Variants in CNTNAP4 observed in about 807,000 individuals in gnomAD.
The protein encoded by CNTNAP4 is contactin associated protein family member 4.
CNTNAP4 carries 98 observed loss-of-function variants against 148.4 expected under a neutral mutation model. That is an observed-to-expected ratio of 0.66 (90% CI 0.56 to 0.78). CNTNAP4 has a LOEUF of 0.78. Ranked by LOEUF, CNTNAP4 falls within the 30% of genes least tolerant of loss-of-function variation. CNTNAP4 has a pLI of 0.00. For synonymous variants in CNTNAP4, 730 were observed against 565.1 expected (o/e 1.29, Z -4.14); for missense variants, 1,935 against 1,565.6 (o/e 1.24, Z -3.98).
intron 3 of CNTNAP4, among the ~76,000 whole-genome samples, chr16:76,392,154 C>T (rs1256133807): frequency 6.6e-6 from 1 of 152,070 alleles, no homozygotes; most frequent in African/African-American, 2.4e-5. Flanking sequence ...CCACCACACC[C>T]AGCTAATTTT....
In CNTNAP4 at chr16:76,478,856, A is replaced by G. The variant is rs528760286; in HGVS notation, c.1763-563A>G. Among the ~76,000 whole-genome samples, 3 of 152,218 alleles carry G rather than the reference A, an allele frequency of 2.0e-5. No individual in the cohort carries two copies. The East Asian group carries it at 5.8e-4, about 29-fold the overall frequency. ...GGGAGTTTCTTTTGTAAATTACTTAAAATTATTGATGAGCTTTGTGAATCC... is the reference window on the plus strand; with the variant it reads ...GGGAGTTTCTTTTGTAAATTACTTAGAATTATTGATGAGCTTTGTGAATCC... On this transcript the variant is annotated intron_variant, in intron 11 of 23. Coordinates refer to ENST00000611870, the MANE Select transcript of CNTNAP4 (RefSeq NM_033401.5).
intron 16 of CNTNAP4, among the ~76,000 whole-genome samples, chr16:76,521,796 G>A (rs1221389599): frequency 1.6e-5 from 2 of 128,268 alleles, no homozygotes; most frequent in Admixed American, 8.8e-5. Flanking sequence ...GCTCTGAGGA[G>A]GACTATCTTA....
At chr16:76,491,719 G>C (rs2082229031) in intron 13 of CNTNAP4, among the ~76,000 whole-genome samples, 1 of 152,204 alleles carries the variant, frequency 6.6e-6, no homozygotes, top group African/African-American at 2.4e-5. Flanking sequence ...ATGTGGAAAA[G>C]AGAGATAAAA....
intron 2 of CNTNAP4, among the ~76,000 whole-genome samples, chr16:76,341,247 C>G (rs1057318037): frequency 2.0e-5 from 3 of 152,178 alleles, no homozygotes; most frequent in African/African-American, 7.2e-5. Context: ...GATCTTAAAC[C>G]TGTCCTTCCA....
At chr16:76,470,843 A>T (rs1241473442) in intron 10 of CNTNAP4, among the ~76,000 whole-genome samples, 1 of 152,042 alleles carries the variant, frequency 6.6e-6, no homozygotes, top group African/African-American at 2.4e-5. Context: ...ATTCACACAC[A>T]CTCTACACAC....
intron 2 of CNTNAP4, among the ~76,000 whole-genome samples, chr16:76,330,834 A>T (rs936303874): frequency 6.6e-6 from 1 of 152,256 alleles, no homozygotes; most frequent in African/African-American, 2.4e-5. Flanking sequence ...GAAAAATGTC[A>T]TAAATATAAG....
At position 76,355,321 on chromosome 16, in the gene CNTNAP4, C is replaced by A. The variant is rs1567826395; in HGVS notation, c.200C>A (p.Ala67Asp). Residue 67 changes from alanine to aspartate, a missense_variant, in exon 3 of 24, where the codon GCT (alanine) becomes GAT (aspartate). Transcript: ENST00000611870. ...GFARLNRRDG[A>D]GGWSPLVSNK... is the part of the protein sequence containing the mutation. Reference sequence around the variant, plus strand: ...CTGTTTCTATTTTTAATAAAAGGAGCTGGTGGCTGGTCTCCACTTGTGTCT... The same window carrying A: ...CTGTTTCTATTTTTAATAAAAGGAGATGGTGGCTGGTCTCCACTTGTGTCT... 6.5e-7 allele frequency: 1 copy of A among 1,527,130 alleles called. No individual in the cohort carries two copies. Among genetic ancestry groups the A allele is most frequent in the South Asian group, 1.3e-5 (1 of 79,298 alleles). 94.6% of individuals were successfully genotyped at this position (1,527,130 alleles called of 1,614,324 possible).
intron 3 of CNTNAP4, among the ~76,000 whole-genome samples, chr16:76,377,341 T>C (rs913479220): frequency 3.9e-5 from 6 of 152,206 alleles, no homozygotes; most frequent in African/African-American, 1.4e-4. Context: ...TGCATAACTT[T>C]AACCATCACA....
In CNTNAP4 at chr16:76,408,842, A is replaced by ATGTTC. The variant is rs200310490; in HGVS notation, c.391-18610_391-18609insTGTTC. On this transcript the variant is annotated intron_variant, in intron 3 of 23. Coordinates refer to ENST00000611870, the MANE Select transcript of CNTNAP4 (RefSeq NM_033401.5). ...ATTGATTTCAGAGTCCATTCTCTGA[A>ATGTTC]CATGTTCTCTGTGTAGTTTTACCTC... 5.3e-3 allele frequency among the ~76,000 whole-genome samples: 799 copies of ATGTTC among 152,110 alleles called. 23 individuals are homozygous for ATGTTC. Among genetic ancestry groups the ATGTTC allele is most frequent in the Admixed American group, 0.044 (667 of 15,240 alleles).
intron 4 of CNTNAP4, among the ~76,000 whole-genome samples, chr16:76,436,359 A>G (rs2079826170): frequency 6.6e-6 from 1 of 152,102 alleles, no homozygotes; most frequent in Admixed American, 6.6e-5. Context: ...CCAAGTTGCA[A>G]GGTTCCATTC....
intron 2 of CNTNAP4, among the ~76,000 whole-genome samples, chr16:76,317,147 C>A (rs1273504014): frequency 6.6e-6 from 1 of 151,320 alleles, no homozygotes; most frequent in Non-Finnish European, 1.5e-5. Flanking sequence ...CCTGTAGTCC[C>A]AGCTATGGCT....
At chr16:76,440,837 C>A (rs1270660450) in intron 4 of CNTNAP4, among the ~76,000 whole-genome samples, 1 of 152,078 alleles carries the variant, frequency 6.6e-6, no homozygotes, top group African/African-American at 2.4e-5. Context: ...TAGTAATTCA[C>A]TTGGGGGTGA....
intron 3 of CNTNAP4, among the ~76,000 whole-genome samples, chr16:76,395,270 C>CTT (rs35763868): frequency 1.5e-3 from 224 of 145,480 alleles, no homozygotes; most frequent in Non-Finnish European, 2.3e-3. Flanking sequence ...GCCAAAGATT[C>CTT]TTTTTTTTTT....
intron 8 of CNTNAP4, among the ~76,000 whole-genome samples, chr16:76,453,135 T>G (rs2080581487): frequency 6.6e-6 from 1 of 152,206 alleles, no homozygotes; most frequent in Non-Finnish European, 1.5e-5. Flanking sequence ...ACTAGACTCT[T>G]CCTAACACAC....
At chr16:76,436,028 G>T (rs755634644) in intron 4 of CNTNAP4, among the ~76,000 whole-genome samples, 29 of 152,090 alleles carry the variant, frequency 1.9e-4, no homozygotes, top group Non-Finnish European at 2.9e-5. Flanking sequence ...GTCACACTCT[G>T]AATGTCACCT....
intron 2 of CNTNAP4, among the ~76,000 whole-genome samples, chr16:76,323,521 C>T: frequency 6.6e-6 from 1 of 151,988 alleles, no homozygotes. Context: ...ATGCTGATAT[C>T]TTCTATTAAA....
rs9938669 is a variant in CNTNAP4 at position 76,280,145 on chromosome 16, A to G, written c.85+2398A>G. ...TATAAATAAATAAAATTAAAGGACT[A>G]GAAAGACTTTTCCCCTTTATTTACA... On this transcript the variant is annotated intron_variant, in intron 1 of 23. Coordinates refer to ENST00000611870, the MANE Select transcript of CNTNAP4 (RefSeq NM_033401.5). 6.0e-3 allele frequency among the ~76,000 whole-genome samples: 907 copies of G among 152,340 alleles called. 9 individuals are homozygous for G. The highest frequency in any genetic ancestry group is 0.02 in the African/African-American group (852 of 41,576).
intron 12 of CNTNAP4, among the ~76,000 whole-genome samples, chr16:76,480,623 A>C (rs1013068860): frequency 5.3e-5 from 8 of 152,158 alleles, no homozygotes; most frequent in African/African-American, 1.9e-4. Context: ...TTGCAGTCCC[A>C]GCTACTCAGG....
intron 2 of CNTNAP4, among the ~76,000 whole-genome samples, chr16:76,345,373 A>G (rs896094268): frequency 3.9e-5 from 6 of 152,246 alleles, no homozygotes; most frequent in Non-Finnish European, 8.8e-5. Flanking sequence ...ACATTGTTTT[A>G]ATAAAAACAA....
Sources: gnomAD v4.1 joint callset for allele counts (sites outside exome capture counted in the v4.1 genomes callset) on GRCh38, gnomAD v4.1.1 for gene constraint, MANE v1.5 for transcripts, NCBI Gene and HGNC (gene_info 2026-07-23, HGNC 2026-07-21) for gene names.